Variants in TAMM41 observed in about 807,000 individuals in gnomAD.
TAMM41 encodes the protein phosphatidate cytidylyltransferase, mitochondrial.
In TAMM41, 36 loss-of-function variants were observed where a neutral mutation model predicts 44.1. The observed-to-expected ratio is 0.82, with a 90% CI of 0.63 to 1.08. TAMM41 has a LOEUF of 1.08. TAMM41 is among the 50% of genes least tolerant of loss of function. TAMM41 has a pLI of 0.00. For missense variants in TAMM41, 417 were observed against 404.3 expected (o/e 1.03, Z -0.27); for synonymous variants, 164 against 153.1 (o/e 1.07, Z -0.53).
chr3:11,804,172 T>C (rs542811880), intron 7 of TAMM41, among the ~76,000 whole-genome samples: 3 of 152,314 alleles, frequency 2.0e-5, no homozygotes, highest in Admixed American at 6.5e-5. Flanking sequence ...GTGGGTTCTG[T>C]GATCAACTGC....
At chr3:11,817,481 G>A in intron 4 of TAMM41, 144 bp from the exon 5 acceptor site, 1 of 791,278 alleles carries the variant, frequency 1.3e-6, no homozygotes, top group South Asian at 3.3e-5. Flanking sequence ...CTCAAAACCT[G>A]GACACTTTAC....
At position 11,801,400 on chromosome 3, in the gene TAMM41, C is replaced by T. The variant is rs114083332; in HGVS notation, c.937+6433G>A. On this transcript the variant is annotated intron_variant, in intron 7 of 7. Coordinates refer to ENST00000455809, the MANE Select transcript of TAMM41 (RefSeq NM_001284401.2). The stretch of plus-strand genomic sequence containing the variant: ...AGGCTGTGGTGTAATCATGGCTCAC[C>T]GTAGCCTCAAACTCCTTTGGCTCAA... Among the ~76,000 whole-genome samples the T allele has an allele frequency of 9.3e-3, 1,414 of 152,154 alleles. 29 individuals carry two copies. The highest frequency in any genetic ancestry group is 0.033 in the African/African-American group (1,356 of 41,504).
chr3:11,780,921 G>A, the TAMM41 span, among the ~76,000 whole-genome samples: 2 of 152,130 alleles, frequency 1.3e-5, no homozygotes, highest in East Asian at 3.9e-4. Flanking sequence ...AGCATTGATC[G>A]CTTCTCACCT....
the TAMM41 span, among the ~76,000 whole-genome samples, chr3:11,727,242 A>G: frequency 6.6e-6 from 1 of 152,210 alleles, no homozygotes; most frequent in Non-Finnish European, 1.5e-5. Context: ...TGCAACTAGA[A>G]TTAAACCCTG....
intron 7 of TAMM41, among the ~76,000 whole-genome samples, chr3:11,803,870 G>A (rs1228492356): frequency 6.6e-6 from 1 of 152,146 alleles, no homozygotes; most frequent in Non-Finnish European, 1.5e-5. Flanking sequence ...ACTTTAAGTG[G>A]GAGCTAAACA....
chr3:11,782,826 G>T, the TAMM41 span, among the ~76,000 whole-genome samples: 1 of 152,066 alleles, frequency 6.6e-6, no homozygotes, highest in East Asian at 1.9e-4. Flanking sequence ...ATTTTTTGGT[G>T]GGACAGAGTG....
intron 7 of TAMM41, among the ~76,000 whole-genome samples, chr3:11,794,621 C>G (rs10510407): frequency 1.3e-5 from 2 of 152,080 alleles, no homozygotes; most frequent in Admixed American, 1.3e-4. Flanking sequence ...GTTTTAGAAG[C>G]ATGCAGAAAG....
intron 3 of TAMM41, among the ~76,000 whole-genome samples, chr3:11,831,386 T>C (rs1403317995): frequency 6.6e-6 from 1 of 152,186 alleles, no homozygotes; most frequent in Non-Finnish European, 1.5e-5. Context: ...GTTATGCCAA[T>C]TTACACTCGT....
the TAMM41 span, among the ~76,000 whole-genome samples, chr3:11,764,629 A>G: frequency 6.7e-6 from 1 of 149,830 alleles, no homozygotes; most frequent in Non-Finnish European, 1.5e-5. Context: ...AGCAGCTGGG[A>G]CTACAGGTGC....
chr3:11,734,807 G>T, the TAMM41 span, among the ~76,000 whole-genome samples: 1 of 150,742 alleles, frequency 6.6e-6, no homozygotes, highest in East Asian at 1.9e-4. Flanking sequence ...AGGCCGAGGC[G>T]GGTGGATCAC....
At chr3:11,810,447 G>C (rs1029825624) in intron 5 of TAMM41, among the ~76,000 whole-genome samples, 2 of 152,196 alleles carry the variant, frequency 1.3e-5, no homozygotes, top group African/African-American at 2.4e-5. Flanking sequence ...GCTGAGGCCA[G>C]ACCTAGCTTT....
chr3:11,759,607 A>AC, the TAMM41 span, among the ~76,000 whole-genome samples: 429 of 152,072 alleles, frequency 2.8e-3, 2 homozygotes, highest in African/African-American at 8.4e-3. Flanking sequence ...AATTCCTCCC[A>AC]CCCTACCCCA....
At chr3:11,808,561 C>A (rs964806730) in intron 6 of TAMM41, 1 of 985,416 alleles carries the variant, frequency 1.0e-6, no homozygotes, top group South Asian at 4.7e-5. Flanking sequence ...ATCTGGCACG[C>A]GGAGGAGCTC....
chr3:11,745,772 C>A, the TAMM41 span, among the ~76,000 whole-genome samples: 1 of 152,090 alleles, frequency 6.6e-6, no homozygotes, highest in African/African-American at 2.4e-5. Flanking sequence ...ACGGGCATAG[C>A]TGTGTGAATG....
the TAMM41 span, among the ~76,000 whole-genome samples, chr3:11,769,355 ATTTTTTTT>A: frequency 2.3e-5 from 3 of 132,896 alleles, no homozygotes; most frequent in South Asian, 2.4e-4. Flanking sequence ...CTCCCAAGAG[ATTTTTTTT>A]TTTTTTTTTT....
chr3:11,737,857 G>T, the TAMM41 span, among the ~76,000 whole-genome samples: 1 of 152,306 alleles, frequency 6.6e-6, no homozygotes, highest in African/African-American at 2.4e-5. Flanking sequence ...GGAGCTGACT[G>T]GTCGCTGGGC....
At position 11,846,556 on chromosome 3, in the gene TAMM41, A is replaced by C; in HGVS notation, c.81T>G (p.Ala27=). The part of the protein sequence containing the change: ...LSHFPEELSL[A]FVYGSGVYRQ... Reference sequence around the variant, plus strand: ...GGTACACCCCGGAGCCGTAGACGAAAGCCAGACTCAGCTCCTCGGGGAAGT... The same window carrying C: ...GGTACACCCCGGAGCCGTAGACGAACGCCAGACTCAGCTCCTCGGGGAAGT... Residue 27 remains alanine, a synonymous_variant, in exon 1 of 8, where the codon GCT becomes GCG. Coordinates refer to ENST00000455809, the MANE Select transcript of TAMM41 (RefSeq NM_001284401.2). The C allele has an allele frequency of 6.2e-7, 1 of 1,614,220 alleles. No individual in the cohort carries two copies. Among genetic ancestry groups the C allele is most frequent in the Non-Finnish European group, 8.5e-7 (1 of 1,180,048 alleles).
the TAMM41 span, among the ~76,000 whole-genome samples, chr3:11,764,486 C>CTTTTTTTT: frequency 8.1e-4 from 55 of 68,144 alleles, 4 homozygotes; most frequent in African/African-American, 1.8e-3. Context: ...TAATCTTATT[C>CTTTTTTTT]TTTTTTTTTT....
At chr3:11,794,285 T>C (rs2077554973) in intron 7 of TAMM41, among the ~76,000 whole-genome samples, 1 of 152,002 alleles carries the variant, frequency 6.6e-6, no homozygotes, top group South Asian at 2.1e-4. Flanking sequence ...TACAGGTACA[T>C]GCCACCACGC....
Sources: allele counts gnomAD v4.1 joint callset (sites outside exome capture counted in the v4.1 genomes callset), GRCh38; gene constraint gnomAD v4.1.1; transcripts MANE v1.5; gene names NCBI Gene and HGNC (gene_info 2026-07-23, HGNC 2026-07-21).